The following U2SURP variants were observed in gnomAD, a reference collection of about 807,000 sequenced individuals.
U2SURP encodes the protein U2 snRNP-associated SURP motif-containing protein.
In U2SURP, 9 loss-of-function variants were observed where a neutral mutation model predicts 144.9. The observed-to-expected ratio is 0.06, with a 90% CI of 0.04 to 0.11. The LOEUF (loss-of-function observed/expected upper bound fraction) is 0.11, where lower values mean the gene tolerates loss of function less well. Ranked by LOEUF, U2SURP falls within the 10% of genes least tolerant of loss-of-function variation. The pLI, the probability that U2SURP is intolerant of heterozygous loss-of-function variation, is 1.00. For synonymous variants in U2SURP, 408 were observed against 396.8 expected (o/e 1.03, Z -0.33); for missense variants, 724 against 1,226.7 (o/e 0.59, Z 6.12).
intron 10 of U2SURP, 145 bp downstream of exon 10, chr3:143,021,700 G>A (rs1936644848): frequency 4.1e-6 from 3 of 736,884 alleles, no homozygotes; most frequent in South Asian, 1.9e-5. Flanking sequence ...GTATGGCCCA[G>A]GTTGTCTTGC....
At chr3:143,052,976 G>A (rs1215127295) in intron 25 of U2SURP, among the ~76,000 whole-genome samples, 1 of 118,126 alleles carries the variant, frequency 8.5e-6, no homozygotes. Context: ...TTGGTTGATT[G>A]TAGAGTCATG....
chr3:143,051,180 C>T (rs1372208356), intron 25 of U2SURP, 131 bp downstream of exon 25: 1 of 538,820 alleles, frequency 1.9e-6, no homozygotes, highest in African/African-American at 2.0e-5. Flanking sequence ...GTAGGGCAAT[C>T]AGAAACATTT....
chr3:143,001,703 C>G (rs1372169322), intron 1 of U2SURP, 30 bp downstream of exon 1: 2 of 1,612,740 alleles, frequency 1.2e-6, no homozygotes, highest in South Asian at 1.1e-5. Context: ...CGTAAGTCAG[C>G]GGATCTACCA....
Position 143,022,860 on chromosome 3 carries a change from G to A in U2SURP, c.1026G>A (p.Met342Ile). 1 of 1,567,888 alleles carries A rather than the reference G, an allele frequency of 6.4e-7. No homozygotes were observed. Reference sequence around the variant, plus strand: ...TTCATTTCTTTCTTGTAGGAAAAATGATTATGTCTTTTGAAATGAAGTTAG... The same window carrying A: ...TTCATTTCTTTCTTGTAGGAAAAATAATTATGTCTTTTGAAATGAAGTTAG... ...ERALKNLNGK[M>I]IMSFEMKLGW... Residue 342 changes from methionine to isoleucine, a missense_variant, in exon 12 of 28, where the codon ATG (methionine) becomes ATA (isoleucine). By Grantham distance (10) the Met-to-Ile change is conservative (BLOSUM62 1). Coordinates refer to ENST00000473835, the MANE Select transcript of U2SURP (RefSeq NM_001080415.2).
chr3:143,052,251 G>C (rs765343543), intron 25 of U2SURP, among the ~76,000 whole-genome samples: 2 of 152,104 alleles, frequency 1.3e-5, no homozygotes, highest in Non-Finnish European at 2.9e-5. Context: ...AAAATTATCT[G>C]GGTGTGGTGG....
chr3:143,041,171 C>A (rs1450337587), intron 23 of U2SURP, among the ~76,000 whole-genome samples: 1 of 151,806 alleles, frequency 6.6e-6, no homozygotes, highest in African/African-American at 2.4e-5. Flanking sequence ...AAAGTCACGT[C>A]CTTATTGAGT....
Position 143,033,052 on chromosome 3 carries a change from C to T in U2SURP, c.1773+106C>T. Reference sequence around the variant, plus strand: ...CTTGACTGATGAGATTTTTCCCATGCAGTCTTATGTTATTTCTGCTTGGAA... The same window carrying T: ...CTTGACTGATGAGATTTTTCCCATGTAGTCTTATGTTATTTCTGCTTGGAA... On this transcript the variant is annotated intron_variant, in intron 17 of 27. Coordinates refer to ENST00000473835, the MANE Select transcript of U2SURP (RefSeq NM_001080415.2). The T allele has an allele frequency of 9.4e-6, 12 of 1,274,802 alleles. No individual in the cohort carries two copies. The South Asian group carries it at 1.8e-4, about 19-fold the overall frequency. The allele number at this position is 1,274,802 out of a possible 1,614,324, so 79.0% of individuals were successfully genotyped here. A position where few individuals can be genotyped will look rare whatever the true frequency, so the allele number is the denominator to read the frequency against.
chr3:143,039,332 GAA>G (rs1021435033), intron 23 of U2SURP, among the ~76,000 whole-genome samples: 22 of 151,900 alleles, frequency 1.4e-4, no homozygotes, highest in African/African-American at 5.3e-4. Flanking sequence ...TACATTCTAA[GAA>G]AAAGATTGCA....
At chr3:143,015,198 ATTT>A (rs1936305470) in intron 4 of U2SURP, among the ~76,000 whole-genome samples, 1 of 151,916 alleles carries the variant, frequency 6.6e-6, no homozygotes, top group Non-Finnish European at 1.5e-5. Context: ...TTACATTTGG[ATTT>A]CTCTCATTAT....
intron 25 of U2SURP, among the ~76,000 whole-genome samples, chr3:143,051,616 A>AG (rs1200469870): frequency 6.6e-6 from 1 of 151,096 alleles, no homozygotes; most frequent in African/African-American, 2.4e-5. Context: ...AAAAAAAAAA[A>AG]AAAAAGAAAA....
At chr3:143,007,168 AT>A in intron 1 of U2SURP, among the ~76,000 whole-genome samples, 1 of 152,184 alleles carries the variant, frequency 6.6e-6, no homozygotes, top group South Asian at 2.1e-4. Context: ...CCCTCCCCAC[AT>A]TTCTACTGTC....
At position 143,016,878 on chromosome 3, in the gene U2SURP, A is replaced by G; in HGVS notation, c.473A>G (p.Tyr158Cys). The change falls in exon 6 of 28, where the codon TAT (tyrosine) becomes TGT (cysteine). Residue 158 changes from tyrosine to cysteine, a missense_variant. Physicochemically the swap from Tyr to Cys is radical, Grantham distance 194. Transcript: ENST00000473835. ...HETDEKRGKI[Y>C]KPSSRFADQK... ...ACAGATGAAAAAAGAGGTAAAATCT[A>G]TAAGCCATCTTCAAGATTTGCAGAT... 1 of 1,588,654 alleles carries G rather than the reference A, an allele frequency of 6.3e-7. No homozygotes were observed. Among genetic ancestry groups the G allele is most frequent in the Non-Finnish European group, 8.5e-7 (1 of 1,171,164 alleles).
intron 24 of U2SURP, among the ~76,000 whole-genome samples, chr3:143,049,081 C>T (rs1934700993): frequency 6.7e-6 from 1 of 149,494 alleles, no homozygotes; most frequent in African/African-American, 2.5e-5. Context: ...ATAGCGAAAC[C>T]CTGTCTCTGC....
At position 143,026,341 on chromosome 3, in the gene U2SURP, C is replaced by T. The variant is rs186807181; in HGVS notation, c.1275-808C>T. 3.3e-5 allele frequency: 5 copies of T among 152,208 alleles called. No homozygotes were observed. In the East Asian group the frequency reaches 9.6e-4, roughly 29 times the overall value. 9.4% of individuals were successfully genotyped at this position (152,208 alleles called of 1,614,324 possible). The stretch of plus-strand genomic sequence containing the variant: ...TAATTGTTACAGAAAATGGGAAGGG[C>T]ATCTCACCGTGTACCCCATTTTGCA... On this transcript the variant is annotated intron_variant, in intron 13 of 27. Transcript: ENST00000473835.
chr3:143,036,068 A>T lies in U2SURP; in HGVS notation c.2028A>T (p.Leu676Phe), dbSNP rs771383205. Reference sequence around the variant, plus strand: ...TGATCAAACTACAAAATATTTTCTTAGGACTTGTAAATATTATTGAAGAAA... The same window carrying T: ...TGATCAAACTACAAAATATTTTCTTTGGACTTGTAAATATTATTGAAGAAA... ...PFLIKLQNIFLGLVNIIEEKE... is the reference protein window; with the variant it reads ...PFLIKLQNIFFGLVNIIEEKE... The change falls in exon 20 of 28, where the codon TTA becomes TTT. Residue 676 changes from leucine (L) to phenylalanine (F), a missense_variant. This residue lies in a region of U2SURP where 116 missense variants were observed against 167.9 expected (regional missense o/e 0.69). Coordinates refer to ENST00000473835, the MANE Select transcript of U2SURP (RefSeq NM_001080415.2). 7.5e-6 allele frequency: 12 copies of T among 1,610,356 alleles called. No individual in the cohort carries two copies. Among genetic ancestry groups the T allele is most frequent in the Non-Finnish European group, 1.0e-5 (12 of 1,178,710 alleles).
chr3:143,046,723 T>C (rs2108310743), intron 24 of U2SURP, among the ~76,000 whole-genome samples: 1 of 118,816 alleles, frequency 8.4e-6, no homozygotes, highest in Admixed American at 8.3e-5. Flanking sequence ...TACTTCTTTC[T>C]ACACAGACAC....
intron 1 of U2SURP, among the ~76,000 whole-genome samples, chr3:143,009,188 A>T (rs1040287194): frequency 2.0e-5 from 3 of 152,226 alleles, no homozygotes; most frequent in Non-Finnish European, 4.4e-5. Flanking sequence ...TGTGTTTCAT[A>T]GTTAATAAAT....
intron 1 of U2SURP, chr3:143,002,239 T>C (rs867886576): frequency 2.2e-4 from 37 of 171,290 alleles, no homozygotes; most frequent in Middle Eastern, 5.7e-3. Context: ...TAGCCAAGGT[T>C]AATGTACAGT....
chr3:143,021,574 A>C lies in U2SURP; in HGVS notation c.852+19A>C. On this transcript the variant is annotated intron_variant, in intron 10 of 27. Coordinates refer to ENST00000473835, the MANE Select transcript of U2SURP (RefSeq NM_001080415.2). Reference sequence around the variant, plus strand: ...TCCACAGGTAATATTAAGTAAGATGAATGTTGATTGATATGCTTTATGCTT... The same window carrying C: ...TCCACAGGTAATATTAAGTAAGATGCATGTTGATTGATATGCTTTATGCTT... The C allele has an allele frequency of 6.3e-7, 1 of 1,597,874 alleles. No individual in the cohort carries two copies. Among genetic ancestry groups the C allele is most frequent in the African/African-American group, 1.3e-5 (1 of 74,704 alleles).
Sources: allele counts gnomAD v4.1 joint callset (sites outside exome capture counted in the v4.1 genomes callset), GRCh38; gene constraint gnomAD v4.1.1; regional missense constraint gnomAD v4.1.1; transcripts MANE v1.5; gene names NCBI Gene and HGNC (gene_info 2026-07-23, HGNC 2026-07-21).